Variants in ERICH5 observed in about 807,000 individuals in gnomAD.
ERICH5 encodes the protein glutamate-rich protein 5.
ERICH5 carries 24 observed loss-of-function variants against 28.0 expected under a neutral mutation model. The observed-to-expected ratio is 0.86, with a 90% CI of 0.62 to 1.21. ERICH5 has a LOEUF of 1.21. Ranked by LOEUF, ERICH5 falls within the 50% of genes most tolerant of loss-of-function variation. The pLI, the probability that ERICH5 is intolerant of heterozygous loss-of-function variation, is 0.00. For synonymous variants in ERICH5, 163 were observed against 157.6 expected, an observed-to-expected ratio of 1.03 and a Z score of -0.25; for missense variants, 421 against 441.2, an observed-to-expected ratio of 0.95 and a Z score of 0.41.
chr8:98,068,002 AAAT>A (rs1814850010), intron 1 of ERICH5, among the ~76,000 whole-genome samples: 1 of 151,874 alleles, frequency 6.6e-6, no homozygotes, highest in South Asian at 2.1e-4. Flanking sequence ...TGTGTTATAC[AAAT>A]ATTATATATT....
intron 2 of ERICH5, among the ~76,000 whole-genome samples, chr8:98,092,842 C>G (rs1008489840): frequency 6.8e-6 from 1 of 148,076 alleles, no homozygotes; most frequent in African/African-American, 2.5e-5. Flanking sequence ...GTGGCGTGAT[C>G]TCAGCTCACT....
chr8:98,090,201 A>G (rs1215442354), intron 2 of ERICH5, among the ~76,000 whole-genome samples, 172 bp downstream of exon 2: 1 of 152,132 alleles, frequency 6.6e-6, no homozygotes, highest in Non-Finnish European at 1.5e-5. Flanking sequence ...CATTCTATTA[A>G]TGCTCAGTTT....
intron 1 of ERICH5, among the ~76,000 whole-genome samples, chr8:98,070,660 C>CA (rs769042472): frequency 0.18 from 6,855 of 38,804 alleles, 983 homozygotes; most frequent in Non-Finnish European, 0.27. Context: ...AACTGCATCT[C>CA]AAAAAAAAAA....
chr8:98,089,041 T>C (rs1351136125), intron 1 of ERICH5, 35 bp from the exon 2 acceptor site: 1 of 1,486,872 alleles, frequency 6.7e-7, no homozygotes, highest in African/African-American at 1.4e-5. Flanking sequence ...TTGTGTTTTC[T>C]CTTTTCTTTT....
chr8:98,090,895 C>T (rs955945312), intron 2 of ERICH5, among the ~76,000 whole-genome samples: 15 of 151,872 alleles, frequency 9.9e-5, no homozygotes, highest in African/African-American at 3.4e-4. Flanking sequence ...TATAATCATC[C>T]ATCTGTTTTT....
rs755991122 is a variant in ERICH5, at chr8:98,091,868, CTTT to C, written c.1013-1352_1013-1350del. On this transcript the variant is annotated intron_variant, in intron 2 of 2. Transcript: ENST00000318528. ...TCTTTCTTTCTTTCTTTCTTTCTTT[CTTT>C]CTTTCTTTCTTTCTTTCTTTCTTTC... is the stretch of plus-strand genomic sequence containing the variant. 7.5e-3 allele frequency among the ~76,000 whole-genome samples: 678 copies of C among 89,836 alleles called. 3 individuals are homozygous for C. The highest frequency in any genetic ancestry group is 0.012 in the Non-Finnish European group (517 of 44,524). 58.9% of individuals were successfully genotyped at this position (89,836 alleles called of 152,430 possible). A position where few individuals can be genotyped will look rare whatever the true frequency, so the allele number is the denominator to read the frequency against.
intron 2 of ERICH5, among the ~76,000 whole-genome samples, chr8:98,092,105 C>G (rs1815420526): frequency 6.6e-6 from 1 of 150,662 alleles, no homozygotes; most frequent in African/African-American, 2.4e-5. Flanking sequence ...CTGAAGGGAT[C>G]CTCTTGCCCC....
At chr8:98,090,660 T>C (rs1167305259) in intron 2 of ERICH5, among the ~76,000 whole-genome samples, 2 of 151,938 alleles carry the variant, frequency 1.3e-5, no homozygotes, top group African/African-American at 4.8e-5. Flanking sequence ...CTGCTCTTGT[T>C]CTTCTGCAGT....
intron 1 of ERICH5, among the ~76,000 whole-genome samples, chr8:98,073,747 T>C (rs1246438231): frequency 6.7e-6 from 1 of 150,166 alleles, no homozygotes; most frequent in African/African-American, 2.4e-5. Context: ...TTTACCATGT[T>C]GGTCAGGCTG....
chr8:98,069,709 T>G (rs1437649138), intron 1 of ERICH5, among the ~76,000 whole-genome samples: 1 of 152,248 alleles, frequency 6.6e-6, no homozygotes, highest in Non-Finnish European at 1.5e-5. Flanking sequence ...CAAGTATATC[T>G]GTAGGACAGT....
At chr8:98,082,474 C>T (rs1456321743) in intron 1 of ERICH5, among the ~76,000 whole-genome samples, 3 of 151,934 alleles carry the variant, frequency 2.0e-5, no homozygotes, top group African/African-American at 7.3e-5. Context: ...GGAGAAACCC[C>T]ATCTCTCCTA....
chr8:98,075,153 G>C (rs1453411988), intron 1 of ERICH5, among the ~76,000 whole-genome samples: 2 of 152,012 alleles, frequency 1.3e-5, no homozygotes, highest in Non-Finnish European at 2.9e-5. Flanking sequence ...AGGTACATGT[G>C]GTTGACTTGA....
In ERICH5 at chr8:98,089,927, A is replaced by C; in HGVS notation, c.910A>C (p.Ile304Leu). Residue 304 changes from isoleucine (I) to leucine (L), a missense_variant, in exon 2 of 3, where the codon ATA becomes CTA. Transcript: ENST00000318528. ...CATGGAGCAGATTCAACCTGAAGGA[A>C]TAGTTGGAAGCATGGAGCATCCAGC... ...GNMEQIQPEG[I>L]VGSMEHPARN... 6.2e-7 allele frequency: 1 copy of C among 1,614,228 alleles called. No individual in the cohort carries two copies. The highest frequency in any genetic ancestry group is 8.5e-7 in the Non-Finnish European group (1 of 1,180,038).
chr8:98,091,871 T>TC (rs780104380), intron 2 of ERICH5, among the ~76,000 whole-genome samples: 21 of 89,794 alleles, frequency 2.3e-4, no homozygotes, highest in Middle Eastern at 0.011. Flanking sequence ...TTTCTTTCTT[T>TC]CTTTCTTTCT....
intron 1 of ERICH5, among the ~76,000 whole-genome samples, chr8:98,077,092 G>A (rs1478789750): frequency 7.4e-6 from 1 of 135,342 alleles, no homozygotes; most frequent in Non-Finnish European, 1.6e-5. Flanking sequence ...GCGAGGCCCT[G>A]TCTCTATTAA....
chr8:98,072,927 A>G (rs866482642), intron 1 of ERICH5, among the ~76,000 whole-genome samples: 1 of 149,630 alleles, frequency 6.7e-6, no homozygotes, highest in Non-Finnish European at 1.5e-5. Flanking sequence ...CAAGACTCTG[A>G]TATAAACCAC....
intron 2 of ERICH5, 81 bp from the exon 3 acceptor site, chr8:98,093,140 C>A: frequency 2.2e-6 from 2 of 929,186 alleles, no homozygotes; most frequent in Non-Finnish European, 3.4e-6. Context: ...AAGAACTGCC[C>A]CCATTGGAGA....
In ERICH5 at chr8:98,082,514, G is replaced by A. The variant is rs561222384; in HGVS notation, c.59-6562G>A. 3.9e-5 allele frequency among the ~76,000 whole-genome samples: 6 copies of A among 152,040 alleles called. No individual in the cohort carries two copies. In the East Asian group the frequency reaches 7.7e-4, roughly 20 times the overall value. ...TACAAAATTAGCCAGGTGTGGTGGCGCATGCCTATAGTCCCAGCTACTCAG... is the reference window on the plus strand; with the variant it reads ...TACAAAATTAGCCAGGTGTGGTGGCACATGCCTATAGTCCCAGCTACTCAG... On this transcript the variant is annotated intron_variant, in intron 1 of 2. Coordinates refer to ENST00000318528, the MANE Select transcript of ERICH5 (RefSeq NM_173549.3).
Position 98,089,818 on chromosome 8 carries a change from A to G in ERICH5, c.801A>G (p.Thr267=), listed in dbSNP as rs550422485. The part of the protein sequence containing the change: ...LLERIPKENV[T]PEVLDRSQLV... Reference sequence around the variant, plus strand: ...AAAGAATTCCCAAAGAGAATGTAACACCAGAAGTATTGGACAGAAGTCAGC... The same window carrying G: ...AAAGAATTCCCAAAGAGAATGTAACGCCAGAAGTATTGGACAGAAGTCAGC... Residue 267 remains threonine, a synonymous_variant, in exon 2 of 3, where the codon ACA becomes ACG. Coordinates refer to ENST00000318528, the MANE Select transcript of ERICH5 (RefSeq NM_173549.3). 9.9e-6 allele frequency: 16 copies of G among 1,614,188 alleles called. No homozygotes were observed. In the South Asian group the frequency reaches 1.8e-4, roughly 18 times the overall value.
Sources: gnomAD v4.1 joint callset for allele counts (sites outside exome capture counted in the v4.1 genomes callset) on GRCh38, gnomAD v4.1.1 for gene constraint, MANE v1.5 for transcripts, NCBI Gene and HGNC (gene_info 2026-07-23, HGNC 2026-07-21) for gene names.